The following LYST variants were observed in gnomAD, a reference collection of about 807,000 sequenced individuals.
LYST encodes lysosomal-trafficking regulator.
A neutral mutation model predicts 413.6 loss-of-function variants in LYST; 192 were observed. The observed-to-expected ratio is 0.46, with a 90% CI of 0.41 to 0.52. The LOEUF is 0.52. Ranked by LOEUF, LYST falls within the 20% of genes least tolerant of loss-of-function variation. The pLI, the probability that LYST is intolerant of heterozygous loss-of-function variation, is 0.00. For synonymous variants in LYST, 1,525 were observed against 1,567.3 expected (o/e 0.97, Z 0.64); for missense variants, 3,815 against 4,499.9 (o/e 0.85, Z 4.35).
At chr1:235,867,684 T>C (rs187806508), upstream of LYST, among the ~76,000 whole-genome samples, 520 of 152,270 alleles carry the variant, frequency 3.4e-3, 3 homozygotes, top group Middle Eastern at 6.8e-3. Context: ...CCCAGCACGC[T>C]GCTGGCAGAC....
chr1:235,718,314 G>T (rs968403369), intron 40 of LYST, among the ~76,000 whole-genome samples: 1 of 151,648 alleles, frequency 6.6e-6, no homozygotes, highest in African/African-American at 2.4e-5. Context: ...ACACATGTTG[G>T]TCTATACACA....
chr1:235,773,488 A>G (rs1483637742), intron 19 of LYST, among the ~76,000 whole-genome samples: 2 of 152,202 alleles, frequency 1.3e-5, no homozygotes, highest in African/African-American at 4.8e-5. Context: ...GGAAATTTGG[A>G]CATATGCTAC....
chr1:235,810,676 T>C (rs1673368602), intron 4 of LYST, 142 bp from the exon 5 acceptor site: 1 of 718,722 alleles, frequency 1.4e-6, no homozygotes, highest in South Asian at 1.7e-5. Flanking sequence ...ATTTCCTTCA[T>C]TTATGTCATA....
rs538062636 is a variant in LYST, at chr1:235,683,328, C to T, written c.10800+3621G>A. On this transcript the variant is annotated intron_variant, in intron 48 of 52. Transcript: ENST00000389793. ...AAGCTGCACACATATTCTTCTGCCACTCTCAAGTTAGATAACAGATATATA... is the reference window on the plus strand; with the variant it reads ...AAGCTGCACACATATTCTTCTGCCATTCTCAAGTTAGATAACAGATATATA... Among the ~76,000 whole-genome samples, 27 of 152,302 alleles carry T rather than the reference C, an allele frequency of 1.8e-4. 1 individual carries two copies. The South Asian group carries it at 5.6e-3, about 32-fold the overall frequency.
In LYST at chr1:235,806,231, A is replaced by C. The variant is rs1672818506; in HGVS notation, c.2905T>G (p.Trp969Gly). ...AACACTGAACTCAACATGTAGATCC[A>C]ACGACACATAGACCAAATGTCTGCT... Reference protein sequence around the residue: ...QAADIWSMCRWIYMLSSVFQK... With the variant: ...QAADIWSMCRGIYMLSSVFQK... The change falls in exon 6 of 53, where the codon TGG becomes GGG. Residue 969 changes from tryptophan (W) to glycine (G), a missense_variant. Transcript: ENST00000389793. The C allele has an allele frequency of 6.2e-7, 1 of 1,614,072 alleles. No homozygotes were observed. Among genetic ancestry groups the C allele is most frequent in the Non-Finnish European group, 8.5e-7 (1 of 1,179,988 alleles).
In LYST at chr1:235,732,865, A is replaced by G. The variant is rs370361870; in HGVS notation, c.8801+638T>C. Among the ~76,000 whole-genome samples, 5 of 152,314 alleles carry G rather than the reference A, an allele frequency of 3.3e-5. No individual in the cohort carries two copies. In the East Asian group the frequency reaches 5.8e-4, roughly 18 times the overall value. Reference sequence around the variant, plus strand: ...AAATAACTTTATTTGCTGAAAATATATTTCCAGGCTTTTTTGTTCTTGTTA... The same window carrying G: ...AAATAACTTTATTTGCTGAAAATATGTTTCCAGGCTTTTTTGTTCTTGTTA... On this transcript the variant is annotated intron_variant, in intron 34 of 52. Transcript: ENST00000389793.
At chr1:235,798,578 T>TAAAAAAAAAAAAAAAAAAAAAAAAAAA (rs71174462) in intron 10 of LYST, among the ~76,000 whole-genome samples, 1 of 81,714 alleles carries the variant, frequency 1.2e-5, no homozygotes, top group African/African-American at 4.5e-5. Context: ...AACCCTGTCA[T>TAAAAAAAAAAAAAAAAAAAAAAAAAAA]AAAAAAAAAA....
intron 30 of LYST, among the ~76,000 whole-genome samples, chr1:235,742,877 C>T (rs1273100818): frequency 2.0e-5 from 3 of 151,116 alleles, no homozygotes; most frequent in Non-Finnish European, 4.4e-5. Flanking sequence ...AGTTAAGTAC[C>T]GTATAATAAG....
In LYST at chr1:235,835,613, C is replaced by T. The variant is rs986302421; in HGVS notation, c.-97-1946G>A. Among the ~76,000 whole-genome samples the T allele has an allele frequency of 4.6e-5, 7 of 152,192 alleles. No homozygotes were observed. The East Asian group carries it at 1.3e-3, about 29-fold the overall frequency. On this transcript the variant is annotated intron_variant, in intron 1 of 52. Transcript: ENST00000389793. ...TATCCAAGATCATAATTCTAACCAC[C>T]AGCACAGTCACATGTGTCCTCCTTG...
intron 2 of LYST, 69 bp from the exon 3 acceptor site, chr1:235,830,493 G>A: frequency 8.2e-7 from 1 of 1,216,484 alleles, no homozygotes; most frequent in South Asian, 1.4e-5. Flanking sequence ...AAAACTATGT[G>A]TTTTTGTTGT....
At chr1:235,696,784 A>G (rs1231714134) in intron 46 of LYST, among the ~76,000 whole-genome samples, 12 of 152,226 alleles carry the variant, frequency 7.9e-5, no homozygotes, top group African/African-American at 2.7e-4. Flanking sequence ...ACGTCTGTCT[A>G]TTCTGGGGCT....
intron 1 of LYST, among the ~76,000 whole-genome samples, chr1:235,856,225 T>C (rs560141491): frequency 6.6e-6 from 1 of 152,288 alleles, no homozygotes; most frequent in South Asian, 2.1e-4. Context: ...GGAAATTACA[T>C]ATTGAAAACC....
At chr1:235,800,132 G>C (rs1672047525) in intron 10 of LYST, among the ~76,000 whole-genome samples, 188 bp downstream of exon 10, 1 of 149,578 alleles carries the variant, frequency 6.7e-6, no homozygotes, top group South Asian at 2.1e-4. Context: ...AATTTTTATA[G>C]AGACAGGTCT....
Position 235,755,517 on chromosome 1 carries a change from A to G in LYST, c.7190T>C (p.Ile2397Thr), listed in dbSNP as rs1044798098. 6.2e-7 allele frequency: 1 copy of G among 1,613,862 alleles called. No individual in the cohort carries two copies. The highest frequency in any genetic ancestry group is 8.5e-7 in the Non-Finnish European group (1 of 1,179,816). The part of the protein sequence containing the change: ...RGTQELLECF[I>T]EMFFGRHIGL... ...AATATGTCGACCAAAGAACATTTCG[A>G]TGAAGCATTCTAACAATTCTTGAGT... The change falls in exon 25 of 53, where the codon ATC becomes ACC. Residue 2397 changes from isoleucine (I) to threonine (T), a missense_variant. Ile to Thr is a moderately conservative substitution (Grantham distance 89). Coordinates refer to ENST00000389793, the MANE Select transcript of LYST (RefSeq NM_000081.4).
chr1:235,741,402 A>G lies in LYST; in HGVS notation c.8358+20T>C, dbSNP rs1367381625. On this transcript the variant is annotated intron_variant, in intron 31 of 52. Transcript: ENST00000389793. ...TTTCACCAAACGTTTTACTTCTCTT[A>G]TCAAAGCTGAGATACTTACTTGTAG... The G allele has an allele frequency of 3.1e-6, 5 of 1,589,162 alleles. No individual in the cohort carries two copies. Among genetic ancestry groups the G allele is most frequent in the East Asian group, 2.2e-5 (1 of 44,792 alleles).
chr1:235,677,040 G>A lies in LYST; in HGVS notation c.11038+51C>T, dbSNP rs994974029. 4 of 1,315,752 alleles carry A rather than the reference G, an allele frequency of 3.0e-6. No homozygotes were observed. The African/African-American group carries it at 5.8e-5, about 19-fold the overall frequency. 81.5% of individuals were successfully genotyped at this position (1,315,752 alleles called of 1,614,324 possible). A position where few individuals can be genotyped will look rare whatever the true frequency, so the allele number is the denominator to read the frequency against. On this transcript the variant is annotated intron_variant, in intron 50 of 52. Transcript: ENST00000389793. ...ACCTAGGAGTAACCACTGGCCGAAT[G>A]CGCTGTTAGAGCACCAGCCAGCCCT...
At chr1:235,702,627 T>C in intron 45 of LYST, 120 bp downstream of exon 45, 1 of 831,008 alleles carries the variant, frequency 1.2e-6, no homozygotes, top group Non-Finnish European at 2.0e-6. Context: ...GCACCTGTCT[T>C]GCACTGACTG....
chr1:235,784,867 A>C (rs187590373), intron 14 of LYST, among the ~76,000 whole-genome samples: 28 of 152,328 alleles, frequency 1.8e-4, no homozygotes, highest in South Asian at 2.1e-4. Context: ...AGCTATGAAG[A>C]TCGAGAACGT....
At chr1:235,782,247 C>T (rs189892575) in intron 14 of LYST, among the ~76,000 whole-genome samples, 160 bp from the exon 15 acceptor site, 174 of 151,336 alleles carry the variant, frequency 1.1e-3, no homozygotes, top group African/African-American at 4.0e-3. Flanking sequence ...CAGCTCACTG[C>T]AAGCTCCGCC....
Sources: allele counts gnomAD v4.1 joint callset (sites outside exome capture counted in the v4.1 genomes callset), GRCh38; gene constraint gnomAD v4.1.1; transcripts MANE v1.5; gene names NCBI Gene and HGNC (gene_info 2026-07-23, HGNC 2026-07-21).